L3MBTL4: variants seen among roughly 807,000 people sequenced by gnomAD.
The protein encoded by L3MBTL4 is L3MBTL histone methyl-lysine binding protein 4, also known as lethal(3)malignant brain tumor-like protein 4.
L3MBTL4 carries 70 observed loss-of-function variants against 84.5 expected under a neutral mutation model. The observed-to-expected ratio is 0.83, with a 90% CI of 0.68 to 1.01. The LOEUF is 1.01. L3MBTL4 is among the 50% of genes least tolerant of loss of function. The probability of loss-of-function intolerance (pLI) is 0.00; values close to 1 mark genes in which losing one functional copy is unlikely to be tolerated. For synonymous variants in L3MBTL4, 274 were observed against 259.8 expected, an observed-to-expected ratio of 1.05 and a Z score of -0.52; for missense variants, 715 against 754.8, an observed-to-expected ratio of 0.95 and a Z score of 0.62.
At chr18:6,314,596 G>A (rs188877427) in intron 1 of L3MBTL4, among the ~76,000 whole-genome samples, 5 of 152,226 alleles carry the variant, frequency 3.3e-5, no homozygotes, top group Admixed American at 2.0e-4. Flanking sequence ...TATAAAAATT[G>A]AAAATAGTGT....
intron 1 of L3MBTL4, among the ~76,000 whole-genome samples, chr18:6,359,476 C>T (rs1450560841): frequency 6.6e-6 from 1 of 152,078 alleles, no homozygotes; most frequent in Non-Finnish European, 1.5e-5. Context: ...TGACCTCAAA[C>T]AATTACTTAG....
At chr18:6,049,755 A>C (rs914377614) in intron 16 of L3MBTL4, among the ~76,000 whole-genome samples, 2 of 152,196 alleles carry the variant, frequency 1.3e-5, no homozygotes, top group African/African-American at 2.4e-5. Flanking sequence ...TGAAAAACTA[A>C]CTATTGGGTG....
At chr18:6,071,785 GAA>G (rs1568066890) in intron 16 of L3MBTL4, among the ~76,000 whole-genome samples, 22 of 125,854 alleles carry the variant, frequency 1.7e-4, no homozygotes, top group African/African-American at 6.3e-4. Flanking sequence ...AAGAAAGAAA[GAA>G]AGAAAGAAAG....
At chr18:6,206,884 C>A (rs1304304359) in intron 12 of L3MBTL4, among the ~76,000 whole-genome samples, 4 of 152,026 alleles carry the variant, frequency 2.6e-5, no homozygotes, top group African/African-American at 9.7e-5. Context: ...GTCCAAAAAT[C>A]AGATATTGGA....
At chr18:6,102,220 T>A (rs961136895) in intron 14 of L3MBTL4, among the ~76,000 whole-genome samples, 1 of 152,228 alleles carries the variant, frequency 6.6e-6, no homozygotes, top group African/African-American at 2.4e-5. Flanking sequence ...GAAATACCAG[T>A]CATGTATCTG....
chr18:6,255,617 C>T (rs1382394383), intron 5 of L3MBTL4, among the ~76,000 whole-genome samples: 1 of 152,110 alleles, frequency 6.6e-6, no homozygotes, highest in African/African-American at 2.4e-5. Context: ...AATACAGTTC[C>T]TTCTTTCGTC....
intron 14 of L3MBTL4, among the ~76,000 whole-genome samples, chr18:6,107,466 C>A (rs1387954117): frequency 1.3e-5 from 2 of 152,166 alleles, no homozygotes; most frequent in Non-Finnish European, 2.9e-5. Context: ...GGGACAGGAC[C>A]TGGACAGCAT....
Position 6,239,888 on chromosome 18 carries a change from C to G in L3MBTL4, c.553-16G>C, listed in dbSNP as rs767288446. 6.2e-7 allele frequency: 1 copy of G among 1,613,810 alleles called. No individual in the cohort carries two copies. Among genetic ancestry groups the G allele is most frequent in the South Asian group, 1.1e-5 (1 of 91,058 alleles). On this transcript the variant is annotated splice_polypyrimidine_tract_variant and intron_variant, in intron 8 of 18. Coordinates refer to ENST00000317931, the MANE Select transcript of L3MBTL4 (RefSeq NM_001330559.2). ...TTGGCCCATTCTAACGCAGCACCAG[C>G]AGGGGAAGAAGCACAAAAAGAAACA...
chr18:6,140,737 A>G (rs1171849803), intron 13 of L3MBTL4, among the ~76,000 whole-genome samples: 1 of 151,862 alleles, frequency 6.6e-6, no homozygotes, highest in Non-Finnish European at 1.5e-5. Context: ...ATTTAAACAT[A>G]CTCCAGTTTC....
intron 1 of L3MBTL4, among the ~76,000 whole-genome samples, chr18:6,322,365 G>GAAAGAA (rs1270754552): frequency 7.4e-5 from 11 of 147,704 alleles, no homozygotes; most frequent in South Asian, 2.2e-4. Flanking sequence ...AGAAAGAGAG[G>GAAAGAA]AAAGAAAAAG....
intron 5 of L3MBTL4, chr18:6,260,418 G>A (rs2048348920): frequency 6.6e-6 from 1 of 152,120 alleles, no homozygotes; most frequent in African/African-American, 2.4e-5. Context: ...CCATGAGCAT[G>A]GAATGTTTTT....
chr18:6,303,003 G>A (rs567682390), intron 3 of L3MBTL4, among the ~76,000 whole-genome samples: 1 of 151,048 alleles, frequency 6.6e-6, no homozygotes, highest in Non-Finnish European at 1.5e-5. Flanking sequence ...AAAAAAAATT[G>A]TAATAATTAT....
intron 16 of L3MBTL4, among the ~76,000 whole-genome samples, chr18:6,022,981 C>G (rs147100789): frequency 1.2e-3 from 182 of 152,248 alleles, no homozygotes; most frequent in Non-Finnish European, 1.9e-3. Context: ...ATTTCTTAAT[C>G]CCATTAGGCC....
intron 13 of L3MBTL4, among the ~76,000 whole-genome samples, chr18:6,170,811 G>A (rs1487244936): frequency 1.3e-5 from 2 of 152,112 alleles, no homozygotes; most frequent in East Asian, 1.9e-4. Context: ...GATAAAAAGC[G>A]AGACCAGAGG....
chr18:6,369,093 T>G (rs163748), intron 1 of L3MBTL4, among the ~76,000 whole-genome samples: 1 of 151,132 alleles, frequency 6.6e-6, no homozygotes, highest in East Asian at 2.0e-4. Context: ...AAGCACTACA[T>G]TAGTCCAAGG....
intron 12 of L3MBTL4, among the ~76,000 whole-genome samples, chr18:6,196,978 G>A (rs2045426998): frequency 6.6e-6 from 1 of 152,184 alleles, no homozygotes; most frequent in Non-Finnish European, 1.5e-5. Flanking sequence ...ATAATCTGAA[G>A]TTCCATCCAA....
chr18:6,118,294 T>C (rs2059421479), intron 14 of L3MBTL4, among the ~76,000 whole-genome samples: 1 of 151,452 alleles, frequency 6.6e-6, no homozygotes, highest in Non-Finnish European at 1.5e-5. Context: ...CTTTGTTTGG[T>C]TAACTCTTAC....
chr18:6,284,349 T>C (rs1485251736), intron 4 of L3MBTL4, among the ~76,000 whole-genome samples: 1 of 152,190 alleles, frequency 6.6e-6, no homozygotes, highest in Non-Finnish European at 1.5e-5. Context: ...ACAGGGGCTC[T>C]CACGGAGCCC....
chr18:6,093,372 C>CT lies in L3MBTL4; in HGVS notation c.1355dup (p.Val453GlyfsTer23). 2 of 1,609,704 alleles carry CT rather than the reference C, an allele frequency of 1.2e-6. No individual in the cohort carries two copies. Among genetic ancestry groups the CT allele is most frequent in the Non-Finnish European group, 1.7e-6 (2 of 1,178,680 alleles). ...TTTCTTACCTGGGCTGACTGTTCAC[C>CT]TTTTCATGTTTTCCATTGAAGTTCA... On this transcript the variant is annotated frameshift_variant, in exon 15 of 19. Transcript: ENST00000317931. LOFTEE classifies it high-confidence loss of function.
Sources: allele counts gnomAD v4.1 joint callset (sites outside exome capture counted in the v4.1 genomes callset), GRCh38; gene constraint gnomAD v4.1.1; transcripts MANE v1.5; gene names NCBI Gene and HGNC (gene_info 2026-07-23, HGNC 2026-07-21).